NLGN1: variants seen among roughly 807,000 people sequenced by gnomAD.
The protein encoded by NLGN1 is neuroligin 1, also known as neuroligin-1.
A neutral mutation model predicts 65.5 loss-of-function variants in NLGN1; 12 were observed. That is an observed-to-expected ratio of 0.18 (90% CI 0.12 to 0.30). The LOEUF (loss-of-function observed/expected upper bound fraction) is 0.30, where lower values mean the gene tolerates loss of function less well. NLGN1 is among the 10% of genes least tolerant of loss of function. The pLI is 1.00. For synonymous variants in NLGN1, 350 were observed against 359.5 expected (o/e 0.97, Z 0.30); for missense variants, 750 against 1,007.1 (o/e 0.74, Z 3.46).
chr3:173,912,191 C>A (rs1055900951), intron 4 of NLGN1, among the ~76,000 whole-genome samples: 1 of 152,104 alleles, frequency 6.6e-6, no homozygotes, highest in African/African-American at 2.4e-5. Context: ...TCACTTTATT[C>A]TTCTTGTCTC....
chr3:174,075,637 C>T (rs1740749625), intron 4 of NLGN1, among the ~76,000 whole-genome samples: 1 of 151,996 alleles, frequency 6.6e-6, no homozygotes, highest in Non-Finnish European at 1.5e-5. Flanking sequence ...CAGTTTTTAA[C>T]AGTAAGACTG....
intron 2 of NLGN1, among the ~76,000 whole-genome samples, chr3:173,456,574 T>G (rs545980792): frequency 8.9e-4 from 136 of 152,300 alleles, no homozygotes; most frequent in Non-Finnish European, 1.6e-3. Context: ...CTATAGTATC[T>G]GTCAAAGACC....
chr3:173,775,965 A>G (rs369875265), intron 3 of NLGN1, among the ~76,000 whole-genome samples: 10 of 152,142 alleles, frequency 6.6e-5, no homozygotes, highest in African/African-American at 2.4e-4. Flanking sequence ...TCTATTCCAG[A>G]TTTTCTACTG....
chr3:173,916,990 TG>T (rs940089064), intron 4 of NLGN1, among the ~76,000 whole-genome samples: 27 of 152,304 alleles, frequency 1.8e-4, no homozygotes, highest in African/African-American at 6.5e-4. Context: ...AGACTACAAT[TG>T]CTGAATAAGC....
chr3:174,011,721 A>G (rs1725587699), intron 4 of NLGN1, among the ~76,000 whole-genome samples: 3 of 152,046 alleles, frequency 2.0e-5, no homozygotes, highest in African/African-American at 7.2e-5. Context: ...ACTACCACCT[A>G]CCTTCAGAGT....
chr3:173,711,804 G>T (rs1272284602), intron 3 of NLGN1, among the ~76,000 whole-genome samples: 1 of 152,118 alleles, frequency 6.6e-6, no homozygotes, highest in East Asian at 1.9e-4. Context: ...AGGAGGTAAG[G>T]TTAGAGACCA....
chr3:174,011,463 A>C (rs968094114), intron 4 of NLGN1, among the ~76,000 whole-genome samples: 2 of 152,186 alleles, frequency 1.3e-5, no homozygotes, highest in Non-Finnish European at 2.9e-5. Flanking sequence ...TCACAGTTTC[A>C]ATTCAGAACA....
intron 2 of NLGN1, among the ~76,000 whole-genome samples, chr3:173,495,009 G>T (rs1304373661): frequency 2.0e-5 from 3 of 151,600 alleles, no homozygotes; most frequent in African/African-American, 7.3e-5. Context: ...GCATTTCCAT[G>T]TAAGTTTTAT....
At chr3:173,433,875 G>A (rs77478751) in intron 1 of NLGN1, among the ~76,000 whole-genome samples, 6,284 of 152,174 alleles carry the variant, frequency 0.041, 220 homozygotes, top group Non-Finnish European at 0.059. Context: ...GAAACAAGTT[G>A]CTTAAATAAA....
intron 4 of NLGN1, among the ~76,000 whole-genome samples, chr3:173,831,011 T>C (rs996670616): frequency 3.9e-5 from 6 of 152,230 alleles, no homozygotes; most frequent in Non-Finnish European, 7.3e-5. Context: ...AGATTTCATC[T>C]AGTTATAGCT....
chr3:174,220,021 G>A (rs1470204227), intron 4 of NLGN1, among the ~76,000 whole-genome samples: 1 of 152,096 alleles, frequency 6.6e-6, no homozygotes, highest in Non-Finnish European at 1.5e-5. Flanking sequence ...AAGGGACCAG[G>A]CAGGGAGGCA....
At chr3:173,664,416 A>G (rs957906966) in intron 3 of NLGN1, among the ~76,000 whole-genome samples, 4 of 152,128 alleles carry the variant, frequency 2.6e-5, no homozygotes, top group Non-Finnish European at 5.9e-5. Flanking sequence ...AAATTTTAGA[A>G]ATACAAAATC....
rs930800462 is a variant in NLGN1 at position 174,107,027 on chromosome 3, G to C, written c.647-168288G>C. ...ACACACACACACACACAGAGAGAGA[G>C]AGAGAGAGAGAGAGAGAGAGAGAGA... On this transcript the variant is annotated intron_variant, in intron 4 of 6. Transcript: ENST00000457714. 4.1e-3 allele frequency among the ~76,000 whole-genome samples: 587 copies of C among 142,084 alleles called. 3 individuals carry two copies. The highest frequency in any genetic ancestry group is 0.016 in the African/African-American group (516 of 33,248). The allele number at this position is 142,084 out of a possible 152,430, so 93.2% of individuals were successfully genotyped here.
intron 4 of NLGN1, among the ~76,000 whole-genome samples, chr3:173,893,722 A>T (rs1735790612): frequency 6.6e-6 from 1 of 152,020 alleles, no homozygotes; most frequent in African/African-American, 2.4e-5. Flanking sequence ...TATTTTTTTT[A>T]ACCTCTTACT....
chr3:173,554,928 G>C (rs1156826041), intron 2 of NLGN1, among the ~76,000 whole-genome samples: 1 of 151,974 alleles, frequency 6.6e-6, no homozygotes, highest in East Asian at 1.9e-4. Flanking sequence ...GTATTTTTTG[G>C]CTTTTTTGTT....
intron 4 of NLGN1, among the ~76,000 whole-genome samples, chr3:174,005,466 A>G (rs1724176548): frequency 6.6e-6 from 1 of 152,204 alleles, no homozygotes; most frequent in African/African-American, 2.4e-5. Context: ...AATGTAATAT[A>G]TATGACTCTG....
intron 2 of NLGN1, among the ~76,000 whole-genome samples, chr3:173,491,701 G>A (rs763036383): frequency 7.3e-5 from 11 of 151,662 alleles, no homozygotes; most frequent in Middle Eastern, 3.4e-3. Flanking sequence ...TCAATTATCC[G>A]CCATACATTT....
At chr3:173,612,923 C>G (rs1752529044) in intron 3 of NLGN1, among the ~76,000 whole-genome samples, 1 of 152,116 alleles carries the variant, frequency 6.6e-6, no homozygotes, top group Non-Finnish European at 1.5e-5. Flanking sequence ...ACATGGCCTT[C>G]TGCCTGTGTA....
At chr3:173,948,472 C>G (rs1028538639) in intron 4 of NLGN1, among the ~76,000 whole-genome samples, 2 of 152,154 alleles carry the variant, frequency 1.3e-5, no homozygotes, top group African/African-American at 4.8e-5. Flanking sequence ...GTTGTTTGGT[C>G]TGAAACTCAG....
Sources: gnomAD v4.1 joint callset for allele counts (sites outside exome capture counted in the v4.1 genomes callset) on GRCh38, gnomAD v4.1.1 for gene constraint, MANE v1.5 for transcripts, NCBI Gene and HGNC (gene_info 2026-07-23, HGNC 2026-07-21) for gene names.